Variants in CCDC62 observed in about 807,000 individuals in gnomAD.
CCDC62 encodes coiled-coil domain-containing protein 62.
In CCDC62, 72 loss-of-function variants were observed where a neutral mutation model predicts 80.8. The observed-to-expected ratio is 0.89, with a 90% CI of 0.74 to 1.08. The LOEUF is 1.08. CCDC62 is among the 50% of genes least tolerant of loss of function. The pLI is 0.00. For missense variants in CCDC62, 704 were observed against 809.4 expected (o/e 0.87, Z 1.58); for synonymous variants, 286 against 296.5 (o/e 0.96, Z 0.36).
chr12:122,813,461 AAC>A, intron 11 of CCDC62, 42 bp downstream of exon 11: 1 of 1,577,478 alleles, frequency 6.3e-7, no homozygotes, highest in Non-Finnish European at 8.6e-7. Context: ...GTCACATCCA[AAC>A]ACACCACTGA....
intron 10 of CCDC62, among the ~76,000 whole-genome samples, chr12:122,810,951 A>G (rs1226429073): frequency 3.4e-5 from 5 of 146,166 alleles, no homozygotes; most frequent in Non-Finnish European, 7.5e-5. Context: ...GTTCTCACTC[A>G]TAGGTGGGAA....
At chr12:122,825,342 ATTTTTT>A (rs749990077) in intron 12 of CCDC62, among the ~76,000 whole-genome samples, 1 of 89,790 alleles carries the variant, frequency 1.1e-5, no homozygotes, top group Non-Finnish European at 2.1e-5. Context: ...CACCTGGCTA[ATTTTTT>A]TTTTTTTTTT....
intron 11 of CCDC62, among the ~76,000 whole-genome samples, chr12:122,820,900 G>A (rs907513853): frequency 2.6e-5 from 4 of 151,682 alleles, no homozygotes; most frequent in Non-Finnish European, 4.4e-5. Flanking sequence ...TAGAGAGGAA[G>A]CAGCATGAGT....
chr12:122,814,597 TC>T (rs771387889), intron 11 of CCDC62, among the ~76,000 whole-genome samples: 50 of 149,684 alleles, frequency 3.3e-4, no homozygotes, highest in Non-Finnish European at 6.7e-4. Context: ...ATTCTCTGCC[TC>T]CTGGGTTCAA....
chr12:122,785,939 T>G, intron 4 of CCDC62, 119 bp downstream of exon 4: 1 of 671,974 alleles, frequency 1.5e-6, no homozygotes, highest in Non-Finnish European at 2.6e-6. Context: ...TTGCTCTTGT[T>G]TTTTAAAACG....
chr12:122,804,293 C>T (rs1248705660), intron 9 of CCDC62, among the ~76,000 whole-genome samples: 2 of 152,148 alleles, frequency 1.3e-5, no homozygotes, highest in Non-Finnish European at 2.9e-5. Context: ...TCGAGACCGA[C>T]CTGGCCAACA....
intron 6 of CCDC62, among the ~76,000 whole-genome samples, chr12:122,795,906 C>A (rs763117527): frequency 6.6e-6 from 1 of 152,120 alleles, no homozygotes; most frequent in Non-Finnish European, 1.5e-5. Flanking sequence ...AGGTTCCAGG[C>A]GTCTAAGTCC....
chr12:122,818,219 G>A (rs531754533), intron 11 of CCDC62, among the ~76,000 whole-genome samples: 119 of 152,104 alleles, frequency 7.8e-4, no homozygotes, highest in Admixed American at 1.4e-3. Flanking sequence ...TTGGGAGGCC[G>A]AGGCAGGCGG....
chr12:122,793,777 A>C (rs138856393), intron 6 of CCDC62, among the ~76,000 whole-genome samples: 224 of 152,204 alleles, frequency 1.5e-3, no homozygotes, highest in African/African-American at 5.2e-3. Context: ...AGTGAAATGG[A>C]ATTCTTAATT....
At chr12:122,824,462 G>A (rs566112837) in intron 12 of CCDC62, among the ~76,000 whole-genome samples, 176 of 152,078 alleles carry the variant, frequency 1.2e-3, no homozygotes, top group African/African-American at 4.0e-3. Flanking sequence ...CCACAATGCA[G>A]TACCACCTTA....
At chr12:122,790,182 C>G (rs538984393) in intron 5 of CCDC62, among the ~76,000 whole-genome samples, 2 of 152,168 alleles carry the variant, frequency 1.3e-5, no homozygotes, top group African/African-American at 4.8e-5. Context: ...TCCTGAGTAG[C>G]TGGGATTACA....
At chr12:122,800,289 G>A (rs1193357252) in intron 8 of CCDC62, among the ~76,000 whole-genome samples, 2 of 148,248 alleles carry the variant, frequency 1.3e-5, no homozygotes, top group Admixed American at 7.0e-5. Context: ...TTCCTTAAAA[G>A]CTAAAAATAG....
intron 11 of CCDC62, among the ~76,000 whole-genome samples, chr12:122,818,452 C>CAAAAA (rs138729013): frequency 7.9e-4 from 49 of 61,954 alleles, no homozygotes; most frequent in Admixed American, 2.8e-3. Context: ...GACTCTGTCT[C>CAAAAA]AAAAAAAAAA....
At chr12:122,788,272 T>G (rs1354120890) in intron 4 of CCDC62, among the ~76,000 whole-genome samples, 1 of 152,138 alleles carries the variant, frequency 6.6e-6, no homozygotes, top group Non-Finnish European at 1.5e-5. Context: ...TTTGGGAGAT[T>G]TGGAATGATG....
At chr12:122,814,587 AT>A (rs2032087994) in intron 11 of CCDC62, among the ~76,000 whole-genome samples, 1 of 149,440 alleles carries the variant, frequency 6.7e-6, no homozygotes, top group Admixed American at 6.7e-5. Flanking sequence ...GCTCACTGCA[AT>A]TCTCTGCCTC....
rs768597727 is a variant in CCDC62 at position 122,788,898 on chromosome 12, G to A, written c.639G>A (p.Lys213=). Residue 213 remains lysine (K), a synonymous_variant, in exon 5 of 13, where the codon AAG becomes AAA. Coordinates refer to ENST00000253079, the MANE Select transcript of CCDC62 (RefSeq NM_201435.5). ...AGCAAGATTATAAGCAGAAATTGAA[G>A]GCACTTAAGATTGAAGTCAACAAAC... is the stretch of plus-strand genomic sequence containing the variant. ...KEKQDYKQKL[K]ALKIEVNKLK... is the part of the protein sequence containing the mutation. 50 of 1,604,368 alleles carry A rather than the reference G, an allele frequency of 3.1e-5. No individual in the cohort carries two copies. In the South Asian group the frequency reaches 5.2e-4, roughly 17 times the overall value.
chr12:122,790,473 C>G (rs1228340089), intron 5 of CCDC62, among the ~76,000 whole-genome samples: 1 of 152,102 alleles, frequency 6.6e-6, no homozygotes, highest in Non-Finnish European at 1.5e-5. Flanking sequence ...GAAGACCAGC[C>G]TGGATAACAT....
At chr12:122,819,725 G>A (rs1342718929) in intron 11 of CCDC62, among the ~76,000 whole-genome samples, 3 of 152,024 alleles carry the variant, frequency 2.0e-5, no homozygotes, top group African/African-American at 7.2e-5. Flanking sequence ...AGTGAGAAAC[G>A]TGCAAGATAC....
intron 11 of CCDC62, among the ~76,000 whole-genome samples, chr12:122,819,155 G>T (rs191536298): frequency 1.3e-5 from 2 of 152,238 alleles, no homozygotes; most frequent in African/African-American, 4.8e-5. Context: ...AAATAACAGG[G>T]ATTTACCTGG....
Sources: gnomAD v4.1 joint callset for allele counts (sites outside exome capture counted in the v4.1 genomes callset) on GRCh38, gnomAD v4.1.1 for gene constraint, MANE v1.5 for transcripts, NCBI Gene and HGNC (gene_info 2026-07-23, HGNC 2026-07-21) for gene names.